ARID2: variants seen among roughly 807,000 people sequenced by gnomAD.
ARID2 encodes the protein AT-rich interaction domain 2.
ARID2 carries 32 observed loss-of-function variants against 184.6 expected under a neutral mutation model. The observed-to-expected ratio is 0.17, with a 90% CI of 0.13 to 0.23. The LOEUF (loss-of-function observed/expected upper bound fraction) is 0.23, where lower values mean the gene tolerates loss of function less well. Among genes scored for constraint, ARID2 ranks in the 10% least tolerant of loss-of-function variants. The pLI is 1.00. For synonymous variants in ARID2, 836 were observed against 772.6 expected (o/e 1.08, Z -1.36); for missense variants, 1,696 against 2,197.6 (o/e 0.77, Z 4.56).
intron 3 of ARID2, among the ~76,000 whole-genome samples, chr12:45,757,992 A>G (rs1221665688): frequency 6.6e-6 from 1 of 152,258 alleles, no homozygotes. Flanking sequence ...TGCAAAGATC[A>G]CAAAAATGAA....
intron 3 of ARID2, among the ~76,000 whole-genome samples, chr12:45,755,537 A>G (rs563666466): frequency 4.1e-4 from 62 of 152,358 alleles, no homozygotes; most frequent in South Asian, 1.7e-3. Context: ...GTTGATTTAC[A>G]GAAGAACAGG....
In ARID2 at chr12:45,876,960, T is replaced by C. The variant is rs146945269; in HGVS notation, c.4923-14820T>C. 9.3e-3 allele frequency among the ~76,000 whole-genome samples: 1,408 copies of C among 151,488 alleles called. 22 individuals carry two copies. Among genetic ancestry groups the C allele is most frequent in the South Asian group, 0.068 (325 of 4,778 alleles). ...CAAAAAAATTAACCAGGCCTGGTGG[T>C]GGGCACCTGTAGTCCCAGCTCCTTG... On this transcript the variant is annotated intron_variant, in intron 16 of 20. Transcript: ENST00000334344.
Position 45,761,731 on chromosome 12 carries a change from C to T in ARID2, c.284+30417C>T, listed in dbSNP as rs556823989. Among the ~76,000 whole-genome samples, 6 of 152,026 alleles carry T rather than the reference C, an allele frequency of 3.9e-5. No individual in the cohort carries two copies. In the East Asian group the frequency reaches 1.2e-3, roughly 29 times the overall value. ...TTTTTTCCTTATCTTTTCTCCTTAG[C>T]ACTTTAAGCCATTTCAATCTGAGAT... On this transcript the variant is annotated intron_variant, in intron 3 of 20. Coordinates refer to ENST00000334344, the MANE Select transcript of ARID2 (RefSeq NM_152641.4).
chr12:45,882,710 C>A (rs1252395777), intron 16 of ARID2, among the ~76,000 whole-genome samples: 2 of 152,092 alleles, frequency 1.3e-5, no homozygotes, highest in Admixed American at 1.3e-4. Flanking sequence ...TTAGATTGAT[C>A]AATAGCTTGA....
At chr12:45,779,681 A>G (rs1474352532) in intron 3 of ARID2, among the ~76,000 whole-genome samples, 2 of 152,094 alleles carry the variant, frequency 1.3e-5, no homozygotes, top group Admixed American at 6.6e-5. Flanking sequence ...AGTAATTCTC[A>G]TTAGTTTTCT....
At chr12:45,754,869 C>A (rs1357308019) in intron 3 of ARID2, among the ~76,000 whole-genome samples, 1 of 152,076 alleles carries the variant, frequency 6.6e-6, no homozygotes, top group East Asian at 1.9e-4. Context: ...TGAATGAATG[C>A]TTGCAAGGAT....
intron 3 of ARID2, among the ~76,000 whole-genome samples, chr12:45,784,850 T>TTACA (rs1942167202): frequency 6.6e-6 from 1 of 152,220 alleles, no homozygotes; most frequent in African/African-American, 2.4e-5. Context: ...GAGAGTCAGT[T>TTACA]TACACACAAA....
At chr12:45,805,094 G>A (rs1405751711) in intron 3 of ARID2, among the ~76,000 whole-genome samples, 3 of 152,080 alleles carry the variant, frequency 2.0e-5, no homozygotes, top group East Asian at 3.9e-4. Flanking sequence ...ATGGATGTTT[G>A]TGTTGTTTCC....
chr12:45,765,655 GA>G (rs1941758673), intron 3 of ARID2, among the ~76,000 whole-genome samples: 1 of 151,972 alleles, frequency 6.6e-6, no homozygotes, highest in South Asian at 2.1e-4. Context: ...GCATTATTGA[GA>G]TATATAATTG....
chr12:45,894,053 G>T (rs113342300), intron 20 of ARID2: 4 of 182,294 alleles, frequency 2.2e-5, no homozygotes, highest in Non-Finnish European at 4.5e-5. Flanking sequence ...TTTGAATCAC[G>T]TGGAGTCCAA....
intron 6 of ARID2, among the ~76,000 whole-genome samples, chr12:45,825,851 G>A (rs1487333353): frequency 6.6e-6 from 1 of 151,830 alleles, no homozygotes; most frequent in Non-Finnish European, 1.5e-5. Context: ...GTAACAGAGT[G>A]AGACCCTGTC....
intron 3 of ARID2, among the ~76,000 whole-genome samples, chr12:45,805,579 G>C (rs1340513663): frequency 6.6e-6 from 1 of 152,120 alleles, no homozygotes; most frequent in South Asian, 2.1e-4. Context: ...TTAGTCATCT[G>C]TATTGCTACC....
chr12:45,825,273 A>G (rs1942974676), intron 6 of ARID2, among the ~76,000 whole-genome samples: 1 of 152,186 alleles, frequency 6.6e-6, no homozygotes, highest in Non-Finnish European at 1.5e-5. Flanking sequence ...AATGATAAAT[A>G]TATGAGGTGA....
intron 3 of ARID2, among the ~76,000 whole-genome samples, chr12:45,755,352 G>T (rs1411856645): frequency 2.6e-5 from 4 of 152,136 alleles, no homozygotes; most frequent in African/African-American, 9.7e-5. Context: ...GGCAGGAATG[G>T]CAAACACACC....
chr12:45,787,683 T>G (rs1942221849), intron 3 of ARID2, among the ~76,000 whole-genome samples: 1 of 152,168 alleles, frequency 6.6e-6, no homozygotes, highest in South Asian at 2.1e-4. Flanking sequence ...AAACCTTATC[T>G]TTTCTTTAAA....
chr12:45,904,946 A>G lies in ARID2; in HGVS notation c.5376A>G (p.Arg1792=). The G allele has an allele frequency of 6.2e-7, 1 of 1,613,738 alleles. No individual in the cohort carries two copies. Among genetic ancestry groups the G allele is most frequent in the Non-Finnish European group, 8.5e-7 (1 of 1,179,910 alleles). The part of the protein sequence containing the change: ...YSECGRRLLK[R]HENNLSVLAI... ...TGTTTTTTTGCAGATTGTTAAAGAG[A>G]CATGAAAATAACTTATCAGTGCTAG... is the stretch of plus-strand genomic sequence containing the variant. Residue 1792 remains arginine (R), a synonymous_variant, in exon 21 of 21, where the codon AGA becomes AGG. Coordinates refer to ENST00000334344, the MANE Select transcript of ARID2 (RefSeq NM_152641.4).
intron 20 of ARID2, among the ~76,000 whole-genome samples, chr12:45,898,307 G>A (rs1385341901): frequency 6.6e-6 from 1 of 152,164 alleles, no homozygotes; most frequent in East Asian, 1.9e-4. Context: ...ACTGTTAAGT[G>A]GGTAGAGAGT....
chr12:45,872,875 A>G (rs1203763905), intron 16 of ARID2, among the ~76,000 whole-genome samples: 1 of 152,214 alleles, frequency 6.6e-6, no homozygotes, highest in Non-Finnish European at 1.5e-5. Flanking sequence ...GTAAATATCA[A>G]TTAGATCCAG....
intron 16 of ARID2, among the ~76,000 whole-genome samples, chr12:45,884,048 T>C (rs961252516): frequency 2.0e-5 from 3 of 152,212 alleles, no homozygotes; most frequent in Non-Finnish European, 4.4e-5. Flanking sequence ...CACACAGATA[T>C]ACACATCATC....
Sources: gnomAD v4.1 joint callset for allele counts (sites outside exome capture counted in the v4.1 genomes callset) on GRCh38, gnomAD v4.1.1 for gene constraint, MANE v1.5 for transcripts, NCBI Gene and HGNC (gene_info 2026-07-23, HGNC 2026-07-21) for gene names.